HPSE2: variants seen among roughly 807,000 people sequenced by gnomAD.
HPSE2 encodes the protein heparanase 2 (inactive).
HPSE2 carries 38 observed loss-of-function variants against 60.5 expected under a neutral mutation model. The observed-to-expected ratio is 0.63, with a 90% CI of 0.48 to 0.82. The LOEUF (loss-of-function observed/expected upper bound fraction) is 0.82, where lower values mean the gene tolerates loss of function less well. Ranked by LOEUF, HPSE2 falls within the 40% of genes least tolerant of loss-of-function variation. The pLI, the probability that HPSE2 is intolerant of heterozygous loss-of-function variation, is 0.00. For missense variants in HPSE2, 713 were observed against 740.4 expected (o/e 0.96, Z 0.43); for synonymous variants, 295 against 293.2 (o/e 1.01, Z -0.06).
intron 9 of HPSE2, among the ~76,000 whole-genome samples, chr10:98,576,854 T>A (rs1171341605): frequency 1.3e-5 from 2 of 152,148 alleles, no homozygotes; most frequent in East Asian, 1.9e-4. Flanking sequence ...CTCCTTTTTT[T>A]ATTGTTTTTC....
chr10:98,885,655 A>C (rs967659557), intron 3 of HPSE2, among the ~76,000 whole-genome samples: 3 of 152,166 alleles, frequency 2.0e-5, no homozygotes, highest in African/African-American at 7.2e-5. Context: ...CTGAAGTTTC[A>C]GGTGATTGTC....
intron 3 of HPSE2, among the ~76,000 whole-genome samples, chr10:99,004,155 T>C (rs1358068542): frequency 6.6e-6 from 1 of 152,098 alleles, no homozygotes; most frequent in Admixed American, 6.6e-5. Flanking sequence ...ATAAGTCTCT[T>C]GTACACAGCA....
In HPSE2 at chr10:98,520,278, T is replaced by A. The variant is rs79452050; in HGVS notation, c.1321-30082A>T. Among the ~76,000 whole-genome samples, 795 of 152,264 alleles carry A rather than the reference T, an allele frequency of 5.2e-3. 6 individuals carry two copies. The highest frequency in any genetic ancestry group is 0.018 in the African/African-American group (765 of 41,528). ...TTTCTATGCTTGAGGAAATTCTAAG[T>A]TTAGGGTCTTTTCTGAGGAAAAGAA... is the stretch of plus-strand genomic sequence containing the variant. On this transcript the variant is annotated intron_variant, in intron 9 of 11. Transcript: ENST00000370552.
chr10:99,123,324 G>A (rs1218001912), intron 3 of HPSE2, among the ~76,000 whole-genome samples: 2 of 152,086 alleles, frequency 1.3e-5, no homozygotes, highest in Admixed American at 6.5e-5. Context: ...AAGAGGATAG[G>A]CAAATCACCA....
At chr10:98,564,888 T>A (rs1396668188) in intron 9 of HPSE2, among the ~76,000 whole-genome samples, 1 of 152,136 alleles carries the variant, frequency 6.6e-6, no homozygotes, top group Admixed American at 6.5e-5. Flanking sequence ...CTGGGGTGAC[T>A]CTACAATTTA....
intron 3 of HPSE2, among the ~76,000 whole-genome samples, chr10:99,118,289 C>A (rs2135702514): frequency 6.6e-6 from 1 of 151,686 alleles, no homozygotes; most frequent in African/African-American, 2.4e-5. Context: ...TTTGGGAGGC[C>A]AAGGTGGGTG....
intron 3 of HPSE2, among the ~76,000 whole-genome samples, chr10:99,032,610 A>G (rs1564751263): frequency 6.6e-6 from 1 of 152,220 alleles, no homozygotes; most frequent in Non-Finnish European, 1.5e-5. Context: ...TTGCTGCTAT[A>G]ACAAATTACC....
intron 3 of HPSE2, among the ~76,000 whole-genome samples, chr10:98,812,130 G>T: frequency 6.6e-6 from 1 of 152,008 alleles, no homozygotes; most frequent in East Asian, 1.9e-4. Context: ...AATCTATTTA[G>T]CACTAGCCAG....
At position 98,975,913 on chromosome 10, in the gene HPSE2, A is replaced by C. The variant is rs114036935; in HGVS notation, c.610+168325T>G. Reference sequence around the variant, plus strand: ...GAATCTTATAATTAATTCATTTTAGAGAAAAAGGCTAATCAATGCAGGTTT... The same window carrying C: ...GAATCTTATAATTAATTCATTTTAGCGAAAAAGGCTAATCAATGCAGGTTT... On this transcript the variant is annotated intron_variant, in intron 3 of 11. Transcript: ENST00000370552. 5.9e-3 allele frequency among the ~76,000 whole-genome samples: 899 copies of C among 152,300 alleles called. 10 individuals are homozygous for C. Among genetic ancestry groups the C allele is most frequent in the African/African-American group, 0.02 (840 of 41,572 alleles).
At chr10:98,782,937 T>A (rs1270219561) in intron 3 of HPSE2, among the ~76,000 whole-genome samples, 59 of 57,058 alleles carry the variant, frequency 1.0e-3, no homozygotes, top group Middle Eastern at 8.2e-3. Flanking sequence ...TTTTTTTTTT[T>A]AATGTTTTTT....
At chr10:98,916,252 G>A (rs1954116614) in intron 3 of HPSE2, among the ~76,000 whole-genome samples, 1 of 152,182 alleles carries the variant, frequency 6.6e-6, no homozygotes, top group South Asian at 2.1e-4. Context: ...TAATGGGAAT[G>A]CATTTTTGAG....
chr10:99,196,589 T>C (rs553349977), intron 2 of HPSE2, among the ~76,000 whole-genome samples: 19 of 152,088 alleles, frequency 1.2e-4, no homozygotes, highest in Non-Finnish European at 2.8e-4. Flanking sequence ...GACATACAAA[T>C]AGCAAACAGG....
chr10:99,152,926 T>C (rs977239879), intron 2 of HPSE2, among the ~76,000 whole-genome samples: 3 of 152,246 alleles, frequency 2.0e-5, no homozygotes, highest in East Asian at 1.9e-4. Context: ...GGGCGAGGCA[T>C]TGCCTCACTT....
In HPSE2 at chr10:99,235,752, G is replaced by A. The variant is rs1564914141; in HGVS notation, c.51C>T (p.Arg17=). The change falls in exon 1 of 12, where the codon CGC becomes CGT. Residue 17 remains arginine, a synonymous_variant. Transcript: ENST00000370552. The part of the protein sequence containing the change: ...FPEAMPSSNS[R]PPACLAPGAL... ...CCCCCGGGGCTAGGCACGCGGGGGG[G>A]CGGGAGTTGCTGGAGGGCATGGCTT... The A allele has an allele frequency of 3.7e-6, 6 of 1,613,818 alleles. No homozygotes were observed. The highest frequency in any genetic ancestry group is 5.1e-6 in the Non-Finnish European group (6 of 1,179,944).
intron 7 of HPSE2, among the ~76,000 whole-genome samples, chr10:98,637,451 A>T (rs1946527545): frequency 6.6e-6 from 1 of 152,248 alleles, no homozygotes. Context: ...TAGCAATAAG[A>T]ACTAGCATTC....
chr10:99,222,742 GTTGT>G (rs1187985212), intron 2 of HPSE2, among the ~76,000 whole-genome samples: 3 of 152,062 alleles, frequency 2.0e-5, no homozygotes, highest in Non-Finnish European at 2.9e-5. Flanking sequence ...CATTGGATCA[GTTGT>G]TGTTCTACTC....
chr10:99,130,584 TG>T (rs1845342719), intron 3 of HPSE2, among the ~76,000 whole-genome samples: 3 of 152,210 alleles, frequency 2.0e-5, no homozygotes, highest in African/African-American at 7.2e-5. Flanking sequence ...AAAATTCTCT[TG>T]GCCCCAAGGA....
At chr10:98,727,177 T>C (rs1045577345) in intron 4 of HPSE2, among the ~76,000 whole-genome samples, 11 of 152,136 alleles carry the variant, frequency 7.2e-5, no homozygotes, top group Non-Finnish European at 1.5e-4. Context: ...GGTATGGAAG[T>C]ACAGAATTCA....
chr10:98,493,949 T>G (rs1414512435), intron 9 of HPSE2, among the ~76,000 whole-genome samples: 1 of 152,202 alleles, frequency 6.6e-6, no homozygotes, highest in Admixed American at 6.5e-5. Context: ...TTGTGCATAT[T>G]CTATAACTAT....
Sources: gnomAD v4.1 joint callset for allele counts (sites outside exome capture counted in the v4.1 genomes callset) on GRCh38, gnomAD v4.1.1 for gene constraint, MANE v1.5 for transcripts, NCBI Gene and HGNC (gene_info 2026-07-23, HGNC 2026-07-21) for gene names.